GDPD5: variants seen among roughly 807,000 people sequenced by gnomAD.
GDPD5 encodes glycerophosphodiester phosphodiesterase domain containing 5.
Under a neutral mutation model 75.1 loss-of-function variants are expected in GDPD5, and 48 were observed. The ratio of observed to expected loss-of-function variants is 0.64; its 90% CI spans 0.51 to 0.81. The LOEUF (loss-of-function observed/expected upper bound fraction) is 0.81. Ranked by LOEUF, GDPD5 falls within the 40% of genes least tolerant of loss-of-function variation. The probability of loss-of-function intolerance (pLI) is 0.00; values close to 1 mark genes in which losing one functional copy is unlikely to be tolerated. For missense variants in GDPD5, 706 were observed against 822.6 expected, an observed-to-expected ratio of 0.86 and a Z score of 1.73; for synonymous variants, 336 against 339.0, an observed-to-expected ratio of 0.99 and a Z score of 0.10.
At chr11:75,472,417 C>G (rs1379086368) in intron 3 of GDPD5, among the ~76,000 whole-genome samples, 1 of 152,104 alleles carries the variant, frequency 6.6e-6, no homozygotes, top group Non-Finnish European at 1.5e-5. Context: ...ACATGGCTGA[C>G]AGGACAAAAA....
chr11:75,473,744 C>G (rs1365567682), intron 3 of GDPD5, among the ~76,000 whole-genome samples: 1 of 152,184 alleles, frequency 6.6e-6, no homozygotes, highest in East Asian at 1.9e-4. Context: ...CTTTCAGTTC[C>G]TGAACACAAG....
intron 3 of GDPD5, among the ~76,000 whole-genome samples, chr11:75,469,093 T>C (rs193080050): frequency 1.2e-3 from 182 of 152,332 alleles, no homozygotes; most frequent in African/African-American, 4.2e-3. Context: ...ACCACATCTC[T>C]CCAGCTGCTG....
chr11:75,467,301 T>C (rs547105594), intron 3 of GDPD5, among the ~76,000 whole-genome samples: 1 of 152,228 alleles, frequency 6.6e-6, no homozygotes, highest in Non-Finnish European at 1.5e-5. Flanking sequence ...CTGAAGGGCT[T>C]CAAGTGGCAC....
At chr11:75,475,232 G>A (rs117483646) in intron 3 of GDPD5, among the ~76,000 whole-genome samples, 1,958 of 152,304 alleles carry the variant, frequency 0.013, 30 homozygotes, top group Non-Finnish European at 0.019. Flanking sequence ...GGGAGATCGG[G>A]TTTCACAGGA....
intron 1 of GDPD5, among the ~76,000 whole-genome samples, chr11:75,513,328 G>A (rs1265087317): frequency 1.3e-5 from 2 of 152,214 alleles, no homozygotes; most frequent in Non-Finnish European, 2.9e-5. Context: ...AGCAAGGCAG[G>A]TGTTGCTAAC....
At chr11:75,508,693 G>GTGGC (rs1231116486) in intron 1 of GDPD5, among the ~76,000 whole-genome samples, 1 of 152,148 alleles carries the variant, frequency 6.6e-6, no homozygotes, top group Non-Finnish European at 1.5e-5. Flanking sequence ...CTCCCCCACT[G>GTGGC]TGGCCCCCAT....
chr11:75,482,132 C>T (rs1020909288), intron 2 of GDPD5, among the ~76,000 whole-genome samples: 13 of 152,100 alleles, frequency 8.5e-5, no homozygotes, highest in Non-Finnish European at 1.8e-4. Flanking sequence ...CCTGTCCCCA[C>T]GACTGCACAT....
intron 3 of GDPD5, among the ~76,000 whole-genome samples, chr11:75,469,817 A>G (rs1253138683): frequency 1.3e-5 from 2 of 152,186 alleles, no homozygotes; most frequent in Admixed American, 6.5e-5. Flanking sequence ...GGACATCTGG[A>G]TATTTGGTAA....
intron 1 of GDPD5, among the ~76,000 whole-genome samples, chr11:75,512,064 A>G (rs1950531446): frequency 6.6e-6 from 1 of 152,100 alleles, no homozygotes; most frequent in South Asian, 2.1e-4. Flanking sequence ...TAATGTCTTG[A>G]TTGATCACAA....
intron 3 of GDPD5, among the ~76,000 whole-genome samples, chr11:75,471,878 C>CCT (rs1354826074): frequency 6.6e-6 from 1 of 151,908 alleles, no homozygotes; most frequent in Non-Finnish European, 1.5e-5. Context: ...ACCAGCCCCT[C>CCT]CTCTCTCTCT....
intron 1 of GDPD5, among the ~76,000 whole-genome samples, chr11:75,515,061 T>C (rs1470811957): frequency 6.6e-6 from 1 of 152,172 alleles, no homozygotes; most frequent in Non-Finnish European, 1.5e-5. Flanking sequence ...GAGGCCCACA[T>C]ACCTCCCTTC....
chr11:75,524,149 A>C (rs1294289095), intron 1 of GDPD5, among the ~76,000 whole-genome samples: 2 of 152,208 alleles, frequency 1.3e-5, no homozygotes, highest in Admixed American at 1.3e-4. Context: ...CAGCCTTGAG[A>C]CCTTGAGCAG....
intron 1 of GDPD5, among the ~76,000 whole-genome samples, chr11:75,511,834 C>G (rs1009188807): frequency 2.6e-5 from 4 of 152,224 alleles, no homozygotes; most frequent in Non-Finnish European, 5.9e-5. Context: ...TGAGTGAGTT[C>G]CAACTGTGAC....
chr11:75,435,514 C>T lies in GDPD5; in HGVS notation c.1811G>A (p.Gly604Glu). The change falls in exon 17 of 17, where the codon GGG (glycine) becomes GAG (glutamate). Residue 604 changes from glycine to glutamate, a missense_variant. Physicochemically the swap from Gly to Glu is moderately conservative, Grantham distance 98. Transcript: ENST00000336898. ...GGACAGACATGTCTTCAGCTAACGC[C>T]CACTCCGCTCTATGAGGGTCTTGGT... ...SHTKTLIERS[G>E]R 2 of 1,605,258 alleles carry T rather than the reference C, an allele frequency of 1.2e-6. No homozygotes were observed. Among genetic ancestry groups the T allele is most frequent in the Non-Finnish European group, 1.7e-6 (2 of 1,175,918 alleles).
chr11:75,465,902 C>G (rs529427720), intron 3 of GDPD5, among the ~76,000 whole-genome samples: 2 of 152,192 alleles, frequency 1.3e-5, no homozygotes, highest in Non-Finnish European at 2.9e-5. Flanking sequence ...GACCTGTGAC[C>G]GGGGTGATGC....
At chr11:75,509,768 C>T (rs1234737497) in intron 1 of GDPD5, among the ~76,000 whole-genome samples, 1 of 152,208 alleles carries the variant, frequency 6.6e-6, no homozygotes, top group Non-Finnish European at 1.5e-5. Context: ...CAATCTCCGC[C>T]TCCTGGGTTC....
chr11:75,495,265 TCACA>T (rs34243107), intron 1 of GDPD5, among the ~76,000 whole-genome samples: 3 of 147,040 alleles, frequency 2.0e-5, no homozygotes, highest in Non-Finnish European at 4.5e-5. Flanking sequence ...TGTCACTCTG[TCACA>T]CACACACACA....
intron 3 of GDPD5, among the ~76,000 whole-genome samples, chr11:75,474,199 A>G (rs1733316445): frequency 6.6e-6 from 1 of 152,218 alleles, no homozygotes; most frequent in South Asian, 2.1e-4. Context: ...TTCAAAAGGT[A>G]AATGTACTAC....
intron 1 of GDPD5, among the ~76,000 whole-genome samples, chr11:75,518,127 G>A (rs970413196): frequency 7.9e-5 from 12 of 152,228 alleles, no homozygotes; most frequent in South Asian, 2.1e-4. Flanking sequence ...AGTCCAGCCC[G>A]GCGTCAGGTA....
Sources: gnomAD v4.1 joint callset for allele counts (sites outside exome capture counted in the v4.1 genomes callset) on GRCh38, gnomAD v4.1.1 for gene constraint, MANE v1.5 for transcripts, NCBI Gene and HGNC (gene_info 2026-07-23, HGNC 2026-07-21) for gene names.